The following DTD1 variants were observed in gnomAD, a reference collection of about 807,000 sequenced individuals.
The protein encoded by DTD1 is D-aminoacyl-tRNA deacylase 1.
DTD1 carries 13 observed loss-of-function variants against 25.6 expected under a neutral mutation model. The observed-to-expected ratio is 0.51, with a 90% CI of 0.33 to 0.81. The LOEUF is 0.81. Among genes scored for constraint, DTD1 ranks in the 30% least tolerant of loss-of-function variants. The pLI, the probability that DTD1 is intolerant of heterozygous loss-of-function variation, is 0.02. For missense variants in DTD1, 193 were observed against 266.4 expected (o/e 0.72, Z 1.92); for synonymous variants, 110 against 103.6 (o/e 1.06, Z -0.37).
At chr20:18,719,283 A>G (rs1183589288) in intron 4 of DTD1, among the ~76,000 whole-genome samples, 3 of 150,816 alleles carry the variant, frequency 2.0e-5, no homozygotes, top group Non-Finnish European at 4.4e-5. Flanking sequence ...GTGTATCTTG[A>G]TTATTCATGT....
chr20:18,640,982 G>A lies in DTD1; in HGVS notation c.477+12749G>A, dbSNP rs554662261. On this transcript the variant is annotated intron_variant, in intron 4 of 5. Transcript: ENST00000377452. ...AAAACTGAAACTTTACCCTTAAGTA[G>A]TAATTCCCGATTCTCTTCTCCCTTC... Among the ~76,000 whole-genome samples the A allele has an allele frequency of 9.7e-4, 148 of 152,222 alleles. 1 individual carries two copies. The highest frequency in any genetic ancestry group is 3.4e-3 in the African/African-American group (140 of 41,532).
At chr20:18,696,611 A>G (rs1050655045) in intron 4 of DTD1, among the ~76,000 whole-genome samples, 18 of 152,030 alleles carry the variant, frequency 1.2e-4, no homozygotes, top group Admixed American at 7.9e-4. Context: ...CTGGAATGCA[A>G]TGGCACGATC....
intron 4 of DTD1, among the ~76,000 whole-genome samples, chr20:18,722,081 G>A (rs2061205931): frequency 6.6e-6 from 1 of 152,236 alleles, no homozygotes; most frequent in South Asian, 2.1e-4. Context: ...CATCGAGGGT[G>A]GCTGGACTCC....
rs191588450 is a variant in DTD1 at position 18,648,575 on chromosome 20, T to G, written c.477+20342T>G. Among the ~76,000 whole-genome samples, 4 of 152,154 alleles carry G rather than the reference T, an allele frequency of 2.6e-5. No individual in the cohort carries two copies. In the East Asian group the frequency reaches 7.7e-4, roughly 29 times the overall value. Reference sequence around the variant, plus strand: ...TTCAAAAAGCAGTAGAAAAGTACTTTTAAAGGCACTAAAAGGCAAAGCATT... The same window carrying G: ...TTCAAAAAGCAGTAGAAAAGTACTTGTAAAGGCACTAAAAGGCAAAGCATT... On this transcript the variant is annotated intron_variant, in intron 4 of 5. Coordinates refer to ENST00000377452, the MANE Select transcript of DTD1 (RefSeq NM_080820.6).
At chr20:18,671,063 C>T (rs906899330) in intron 4 of DTD1, among the ~76,000 whole-genome samples, 1 of 152,120 alleles carries the variant, frequency 6.6e-6, no homozygotes, top group Non-Finnish European at 1.5e-5. Context: ...CAAACAGTCC[C>T]CACTGTGCAC....
At chr20:18,722,320 A>G (rs2061207264) in intron 4 of DTD1, among the ~76,000 whole-genome samples, 1 of 152,268 alleles carries the variant, frequency 6.6e-6, no homozygotes, top group African/African-American at 2.4e-5. Flanking sequence ...TAACATGCCC[A>G]GGCCACTTGG....
chr20:18,754,745 T>C (rs1428787217), intron 5 of DTD1, among the ~76,000 whole-genome samples: 4 of 152,210 alleles, frequency 2.6e-5, no homozygotes, highest in African/African-American at 9.6e-5. Context: ...GGTTATTCTA[T>C]AGTTCAAGAA....
At chr20:18,610,617 C>G (rs1395657200) in intron 3 of DTD1, among the ~76,000 whole-genome samples, 1 of 152,116 alleles carries the variant, frequency 6.6e-6, no homozygotes, top group African/African-American at 2.4e-5. Flanking sequence ...GCTTAAAAAA[C>G]CAGAATTTAT....
At chr20:18,637,516 T>G (rs530637118) in intron 4 of DTD1, among the ~76,000 whole-genome samples, 2 of 152,232 alleles carry the variant, frequency 1.3e-5, no homozygotes, top group Non-Finnish European at 2.9e-5. Flanking sequence ...ATTGTAGCAG[T>G]GTAGCCACTT....
chr20:18,616,472 C>T (rs563091870), intron 3 of DTD1, among the ~76,000 whole-genome samples: 2 of 152,118 alleles, frequency 1.3e-5, no homozygotes, highest in South Asian at 4.2e-4. Flanking sequence ...CCTTCCCCTA[C>T]CTAAAATAAC....
Position 18,741,890 on chromosome 20 carries a change from CCT to C in DTD1, c.478-2209_478-2208del, listed in dbSNP as rs2061279341. ...GGCATGTGCCACCACGCCTGGCTAACCTTTGTATTTTTTTTTTTTTTTTTTTT... is the reference window on the plus strand; with the variant it reads ...GGCATGTGCCACCACGCCTGGCTAACTTGTATTTTTTTTTTTTTTTTTTTT... On this transcript the variant is annotated intron_variant, in intron 4 of 5. Transcript: ENST00000377452. 3.5e-5 allele frequency among the ~76,000 whole-genome samples: 2 copies of C among 57,624 alleles called. 1 individual carries two copies. The highest frequency in any genetic ancestry group is 9.7e-5 in the Non-Finnish European group (2 of 20,724). The allele number at this position is 57,624 out of a possible 152,430, so 37.8% of individuals were successfully genotyped here.
intron 5 of DTD1, among the ~76,000 whole-genome samples, chr20:18,759,773 T>C (rs2061353987): frequency 6.6e-6 from 1 of 152,206 alleles, no homozygotes; most frequent in South Asian, 2.1e-4. Context: ...TGAATGTGAA[T>C]GTTGGCCTGC....
At chr20:18,661,388 T>C (rs1220067310) in intron 4 of DTD1, among the ~76,000 whole-genome samples, 1 of 150,646 alleles carries the variant, frequency 6.6e-6, no homozygotes, top group Non-Finnish European at 1.5e-5. Context: ...TTTTTTTTTT[T>C]TGGGACAGAG....
At chr20:18,622,778 C>G (rs962121857) in intron 3 of DTD1, among the ~76,000 whole-genome samples, 1 of 152,052 alleles carries the variant, frequency 6.6e-6, no homozygotes, top group Non-Finnish European at 1.5e-5. Flanking sequence ...ATCACATAGG[C>G]GTTACTGTTT....
intron 4 of DTD1, among the ~76,000 whole-genome samples, chr20:18,646,764 C>T (rs1048420332): frequency 6.6e-6 from 1 of 152,162 alleles, no homozygotes; most frequent in African/African-American, 2.4e-5. Flanking sequence ...CAGTGTTTTT[C>T]CTTAGACTTT....
At chr20:18,635,696 A>G (rs1238272242) in intron 4 of DTD1, among the ~76,000 whole-genome samples, 1 of 152,184 alleles carries the variant, frequency 6.6e-6, no homozygotes, top group Non-Finnish European at 1.5e-5. Context: ...GAGAGCTGTA[A>G]GGGATCACTT....
chr20:18,682,128 T>G (rs1170618779), intron 4 of DTD1, among the ~76,000 whole-genome samples: 1 of 152,148 alleles, frequency 6.6e-6, no homozygotes, highest in African/African-American at 2.4e-5. Flanking sequence ...TCACTGTGGA[T>G]TTTAAAAAGA....
At chr20:18,621,791 G>A (rs1264138039) in intron 3 of DTD1, among the ~76,000 whole-genome samples, 1 of 152,004 alleles carries the variant, frequency 6.6e-6, no homozygotes, top group African/African-American at 2.4e-5. Context: ...TTGGCCAGGC[G>A]TGGTGGCTCA....
At chr20:18,744,580 G>A (rs1209571663) in intron 5 of DTD1, among the ~76,000 whole-genome samples, 1 of 143,032 alleles carries the variant, frequency 7.0e-6, no homozygotes, top group Non-Finnish European at 1.5e-5. Flanking sequence ...ATGGCGGCAG[G>A]CAAGAGAGTA....
Sources: gnomAD v4.1 joint callset for allele counts (sites outside exome capture counted in the v4.1 genomes callset) on GRCh38, gnomAD v4.1.1 for gene constraint, MANE v1.5 for transcripts, NCBI Gene and HGNC (gene_info 2026-07-23, HGNC 2026-07-21) for gene names.